The following SLC6A15 variants were observed in gnomAD, a reference collection of about 807,000 sequenced individuals.
SLC6A15 encodes the protein solute carrier family 6 member 15.
Under a neutral mutation model 68.5 loss-of-function variants are expected in SLC6A15, and 33 were observed. The ratio of observed to expected loss-of-function variants is 0.48; its 90% confidence interval spans 0.37 to 0.64. The LOEUF is 0.64. Among genes scored for constraint, SLC6A15 ranks in the 30% least tolerant of loss-of-function variants. The pLI is 0.00. For synonymous variants in SLC6A15, 347 were observed against 301.0 expected (o/e 1.15, Z -1.58); for missense variants, 747 against 874.3 (o/e 0.85, Z 1.84).
intron 1 of SLC6A15, among the ~76,000 whole-genome samples, chr12:84,899,287 C>CA (rs1333319564): frequency 2.6e-5 from 4 of 151,568 alleles, no homozygotes; most frequent in Admixed American, 2.0e-4. Context: ...ATGGAAGGGA[C>CA]AAAAAACCCT....
At chr12:84,869,325 G>T (rs1176753891) in intron 9 of SLC6A15, among the ~76,000 whole-genome samples, 2 of 152,054 alleles carry the variant, frequency 1.3e-5, no homozygotes, top group Non-Finnish European at 2.9e-5. Context: ...AGCCAAGCGT[G>T]TTGGCACGCG....
intron 2 of SLC6A15, among the ~76,000 whole-genome samples, chr12:84,888,287 A>AAAAC (rs1185876054): frequency 6.6e-6 from 1 of 151,284 alleles, no homozygotes; most frequent in Non-Finnish European, 1.5e-5. Flanking sequence ...GCCAAAAACA[A>AAAAC]AAACAAAAAA....
chr12:84,887,980 C>A, intron 2 of SLC6A15, among the ~76,000 whole-genome samples: 1 of 151,856 alleles, frequency 6.6e-6, no homozygotes, highest in East Asian at 1.9e-4. Context: ...AATCTCAGCA[C>A]TTTGGGAGGC....
intron 6 of SLC6A15, among the ~76,000 whole-genome samples, chr12:84,875,469 G>A (rs1156520395): frequency 6.6e-6 from 1 of 151,734 alleles, no homozygotes; most frequent in Non-Finnish European, 1.5e-5. Context: ...GCCGCCAGGA[G>A]TGACAAAGAA....
intron 3 of SLC6A15, 85 bp downstream of exon 3, chr12:84,885,826 A>G: frequency 7.5e-7 from 1 of 1,335,492 alleles, no homozygotes; most frequent in Non-Finnish European, 1.0e-6. Flanking sequence ...TTATTAACAC[A>G]CACTCCAAAG....
rs1326460624 is a variant in SLC6A15, at chr12:84,891,997, C to G, written c.124G>C (p.Asp42His). The G allele has an allele frequency of 6.2e-6, 10 of 1,613,914 alleles. No individual in the cohort carries two copies. Among genetic ancestry groups the G allele is most frequent in the Non-Finnish European group, 8.5e-6 (10 of 1,179,994 alleles). ...TCTGTATCTTTCTCTTCCTGGCCAT[C>G]AACAATTAGTTCACTTGTCTTAAAA... ...DAFKTSELIV[D>H]GQEEKDTDVE... Residue 42 changes from aspartate (D) to histidine (H), a missense_variant, in exon 2 of 12, where the codon GAT becomes CAT. By Grantham distance (81) the Asp-to-His change is moderately conservative. Transcript: ENST00000266682.
chr12:84,882,044 G>A (rs1871844131), intron 5 of SLC6A15: 29 of 984,274 alleles, frequency 2.9e-5, no homozygotes, highest in Non-Finnish European at 3.4e-5. Context: ...TACACTACAT[G>A]ACATGAGAAG....
At chr12:84,880,059 T>G (rs1871748799) in intron 5 of SLC6A15, among the ~76,000 whole-genome samples, 2 of 152,338 alleles carry the variant, frequency 1.3e-5, no homozygotes, top group African/African-American at 4.8e-5. Context: ...GACACTGATC[T>G]GGATTCAGTA....
chr12:84,874,911 A>G (rs1871449121), intron 6 of SLC6A15, among the ~76,000 whole-genome samples: 1 of 152,190 alleles, frequency 6.6e-6, no homozygotes, highest in Non-Finnish European at 1.5e-5. Flanking sequence ...TGAGTATCAC[A>G]TCCTACAGAA....
chr12:84,910,981 C>T (rs1381810244), intron 1 of SLC6A15, among the ~76,000 whole-genome samples: 1 of 149,984 alleles, frequency 6.7e-6, no homozygotes, highest in Non-Finnish European at 1.5e-5. Flanking sequence ...CCCTTCAAAA[C>T]CTAACACTGT....
rs754373800 is a variant in SLC6A15, at chr12:84,859,827, T to C, written c.*1805A>G. On this transcript the variant is annotated 3_prime_UTR_variant, in exon 12 of 12. Coordinates refer to ENST00000266682, the MANE Select transcript of SLC6A15 (RefSeq NM_182767.6). ...ATTATTCACAGAAATAGGTAAGATA[T>C]AGAAGAGAGAATATAGAATGCTGTC... is the stretch of plus-strand genomic sequence containing the variant. The C allele has an allele frequency of 1.3e-5, 2 of 151,978 alleles. No individual in the cohort carries two copies. Among genetic ancestry groups the C allele is most frequent in the African/African-American group, 4.8e-5 (2 of 41,418 alleles). The allele number at this position is 151,978 out of a possible 1,614,324, so 9.4% of individuals were successfully genotyped here.
At chr12:84,864,845 C>A (rs1229469119) in intron 10 of SLC6A15, among the ~76,000 whole-genome samples, 1 of 152,042 alleles carries the variant, frequency 6.6e-6, no homozygotes, top group Non-Finnish European at 1.5e-5. Context: ...TAATATAATA[C>A]CCACCTTTGA....
chr12:84,894,144 G>C (rs1332839258), intron 1 of SLC6A15, among the ~76,000 whole-genome samples: 1 of 151,950 alleles, frequency 6.6e-6, no homozygotes, highest in African/African-American at 2.4e-5. Context: ...AATATTAGTT[G>C]AATACATTAA....
intron 2 of SLC6A15, among the ~76,000 whole-genome samples, chr12:84,887,399 T>C (rs1872165115): frequency 1.3e-5 from 2 of 152,200 alleles, no homozygotes; most frequent in Non-Finnish European, 2.9e-5. Flanking sequence ...AAATTATTTA[T>C]CTCAGCATCT....
chr12:84,879,232 C>A (rs1339981067), intron 5 of SLC6A15, among the ~76,000 whole-genome samples: 1 of 151,948 alleles, frequency 6.6e-6, no homozygotes, highest in Non-Finnish European at 1.5e-5. Context: ...GTGAACTTCT[C>A]TTCAACCATC....
chr12:84,897,725 G>A (rs1872689127), intron 1 of SLC6A15, among the ~76,000 whole-genome samples: 1 of 152,006 alleles, frequency 6.6e-6, no homozygotes, highest in South Asian at 2.1e-4. Flanking sequence ...AAAGCCACAG[G>A]CAAATATTCC....
chr12:84,897,355 G>T (rs1048240234), intron 1 of SLC6A15, among the ~76,000 whole-genome samples: 2 of 151,930 alleles, frequency 1.3e-5, no homozygotes, highest in South Asian at 4.1e-4. Flanking sequence ...TAATTTAGAA[G>T]AAAGCTAATG....
intron 11 of SLC6A15, among the ~76,000 whole-genome samples, chr12:84,862,424 A>AACTT (rs1870893471): frequency 6.6e-6 from 1 of 152,146 alleles, no homozygotes; most frequent in Non-Finnish European, 1.5e-5. Flanking sequence ...TAAGCAATAG[A>AACTT]TACCTCTTAA....
At chr12:84,897,207 TAAATA>T (rs574836113) in intron 1 of SLC6A15, among the ~76,000 whole-genome samples, 10 of 151,092 alleles carry the variant, frequency 6.6e-5, no homozygotes, top group Non-Finnish European at 1.2e-4. Flanking sequence ...TCAAATAAAA[TAAATA>T]AAATAAAATA....
Sources: gnomAD v4.1 joint callset for allele counts (sites outside exome capture counted in the v4.1 genomes callset) on GRCh38, gnomAD v4.1.1 for gene constraint, MANE v1.5 for transcripts, NCBI Gene and HGNC (gene_info 2026-07-23, HGNC 2026-07-21) for gene names.